Variants in RBIS observed in about 807,000 individuals in gnomAD.
RBIS encodes ribosome biogenesis factor identified in screen.
In RBIS, 9 loss-of-function variants were observed where a neutral mutation model predicts 9.8. That is an observed-to-expected ratio of 0.92 (90% CI 0.56 to 1.61). RBIS has a LOEUF of 1.61. RBIS is among the 40% of genes most tolerant of loss of function. The probability of loss-of-function intolerance (pLI) is 0.00; values close to 1 mark genes in which losing one functional copy is unlikely to be tolerated. For missense variants in RBIS, 103 were observed against 116.0 expected (o/e 0.89, Z 0.51); for synonymous variants, 35 against 37.9 (o/e 0.92, Z 0.28).
intron 3 of RBIS, 122 bp downstream of exon 3, chr8:85,214,798 GC>G: frequency 4.1e-6 from 3 of 729,232 alleles, no homozygotes; most frequent in Non-Finnish European, 7.2e-6. Context: ...ATACTATAGA[GC>G]CTAGTACTAG....
At position 85,214,528 on chromosome 8, in the gene RBIS, C is replaced by G. The variant is rs765290215; in HGVS notation, c.*32G>C. ...TGTATAAAACATTCAATTTATTGGT[C>G]TTTGTGGAGAATTAGATGCATCACC... On this transcript the variant is annotated 3_prime_UTR_variant, in exon 4 of 4. Coordinates refer to ENST00000619594, the MANE Select transcript of RBIS (RefSeq NM_001099673.3). 9 of 1,377,534 alleles carry G rather than the reference C, an allele frequency of 6.5e-6. No homozygotes were observed. In the South Asian group the frequency reaches 1.1e-4, roughly 17 times the overall value. 85.3% of individuals were successfully genotyped at this position (1,377,534 alleles called of 1,614,324 possible). A position where few individuals can be genotyped will look rare whatever the true frequency, so the allele number is the denominator to read the frequency against.
rs1813195747 is a variant in RBIS at position 85,217,402 on chromosome 8, G to A, written c.98C>T (p.Thr33Ile). 6.3e-7 allele frequency: 1 copy of A among 1,599,126 alleles called. No individual in the cohort carries two copies. The highest frequency in any genetic ancestry group is 8.6e-7 in the Non-Finnish European group (1 of 1,166,892). ...FKAKNKAKPV[T>I]TNLKKINIMN... The stretch of plus-strand genomic sequence containing the variant: ...AATACTCACCTTCTTAAGATTAGTG[G>A]TAACTGGTTTTGCTTTGTTTTTAGC... The change falls in exon 2 of 4, where the codon ACC becomes ATC. Residue 33 changes from threonine to isoleucine, a missense_variant. By Grantham distance (89) the Thr-to-Ile change is moderately conservative (BLOSUM62 -1). Coordinates refer to ENST00000619594, the MANE Select transcript of RBIS (RefSeq NM_001099673.3).
chr8:85,217,352 A>C, intron 2 of RBIS, 34 bp downstream of exon 2: 1 of 1,229,576 alleles, frequency 8.1e-7, no homozygotes, highest in East Asian at 2.3e-5. Flanking sequence ...TTTGCTTGTA[A>C]ACAATAAAGT....
intron 2 of RBIS, chr8:85,216,178 C>G (rs1247514651): frequency 6.6e-6 from 1 of 152,176 alleles, no homozygotes; most frequent in African/African-American, 2.4e-5. Context: ...ATACAAGAAA[C>G]CTGGATCAAA....
At chr8:85,217,346 C>G (rs2129822769) in intron 2 of RBIS, 40 bp downstream of exon 2, 1 of 1,157,594 alleles carries the variant, frequency 8.6e-7, no homozygotes, top group East Asian at 2.3e-5. Flanking sequence ...TGACACTTTG[C>G]TTGTAAACAA....
chr8:85,215,013 C>A lies in RBIS; in HGVS notation c.139G>T (p.Val47Phe). ...KKINIMNEEKVNRVNKAFVNV... is the reference protein window; with the variant it reads ...KKINIMNEEKFNRVNKAFVNV... ...ACAAAAGCTTTATTTACTCTGTTAA[C>A]TTTTTCCTCATTCATAATGTTTATC... Residue 47 changes from valine to phenylalanine, a missense_variant, in exon 3 of 4, where the codon GTT (valine) becomes TTT (phenylalanine). Transcript: ENST00000619594. The A allele has an allele frequency of 6.6e-7, 1 of 1,507,842 alleles. No individual in the cohort carries two copies. The highest frequency in any genetic ancestry group is 2.3e-5 in the East Asian group (1 of 43,936). 93.4% of individuals were successfully genotyped at this position (1,507,842 alleles called of 1,614,324 possible).
intron 1 of RBIS, among the ~76,000 whole-genome samples, 169 bp downstream of exon 1, chr8:85,220,137 C>G (rs1185343809): frequency 6.6e-6 from 1 of 152,144 alleles, no homozygotes; most frequent in Non-Finnish European, 1.5e-5. Context: ...GAGATGAAAG[C>G]CCAACAAGCA....
Position 85,214,595 on chromosome 8 carries a change from C to G in RBIS, c.268G>C (p.Val90Leu). The change falls in exon 4 of 4, where the codon GTT becomes CTT. Residue 90 changes from valine (V) to leucine (L), a missense_variant. Transcript: ENST00000619594. ...QQRHESKPVN[V>L]DEATRLMALL ...GCCATTAATCTTGTAGCTTCATCAA[C>G]ATTAACTGGTTTGCTTTCATGACGC... 6.4e-7 allele frequency: 1 copy of G among 1,574,392 alleles called. No individual in the cohort carries two copies. Among genetic ancestry groups the G allele is most frequent in the Non-Finnish European group, 8.7e-7 (1 of 1,145,410 alleles).
chr8:85,214,996 T>A lies in RBIS; in HGVS notation c.156A>T (p.Lys52Asn), dbSNP rs761859119. The change falls in exon 3 of 4, where the codon AAA becomes AAT. Residue 52 changes from lysine to asparagine, a missense_variant. Transcript: ENST00000619594. Reference protein sequence around the residue: ...MNEEKVNRVNKAFVNVQKELA... With the variant: ...MNEEKVNRVNNAFVNVQKELA... ...GTTCCTTTTGTACATTTACAAAAGC[T>A]TTATTTACTCTGTTAACTTTTTCCT... is the stretch of plus-strand genomic sequence containing the variant. The A allele has an allele frequency of 5.7e-6, 9 of 1,572,442 alleles. No individual in the cohort carries two copies. In the African/African-American group the frequency reaches 9.4e-5, roughly 16 times the overall value.
chr8:85,220,309 A>C lies in RBIS; in HGVS notation c.-7T>G, dbSNP rs1381234875. The C allele has an allele frequency of 1.3e-5, 2 of 152,232 alleles. No individual in the cohort carries two copies. The highest frequency in any genetic ancestry group is 2.9e-5 in the Non-Finnish European group (2 of 68,084). The allele number at this position is 152,232 out of a possible 1,614,324, so 9.4% of individuals were successfully genotyped here. A position where few individuals can be genotyped will look rare whatever the true frequency, so the allele number is the denominator to read the frequency against. ...ACTTAATTTATTAAACTCTCACCAG[A>C]AGTTTAACACTTGCGTGCAGCTTTT... On this transcript the variant is annotated 5_prime_UTR_variant, in exon 1 of 4. Coordinates refer to ENST00000619594, the MANE Select transcript of RBIS (RefSeq NM_001099673.3).
At chr8:85,214,759 C>A in intron 3 of RBIS, 128 bp from the exon 4 acceptor site, 1 of 784,868 alleles carries the variant, frequency 1.3e-6, no homozygotes, top group Admixed American at 2.4e-5. Context: ...TATATTCTGA[C>A]AATGTTTTAG....
Position 85,217,140 on chromosome 8 carries a change from T to C in RBIS, c.114+246A>G, listed in dbSNP as rs1282585937. On this transcript the variant is annotated intron_variant, in intron 2 of 3. Coordinates refer to ENST00000619594, the MANE Select transcript of RBIS (RefSeq NM_001099673.3). ...TGAGTTCTATGGTTCAGTAAAACTA[T>C]TAAATTGAAGCTTCACACATTTGTA... The C allele has an allele frequency of 3.6e-5, 22 of 605,452 alleles. No homozygotes were observed. In the East Asian group the frequency reaches 6.1e-4, roughly 17 times the overall value. The allele number at this position is 605,452 out of a possible 1,614,324, so 37.5% of individuals were successfully genotyped here. A position where few individuals can be genotyped will look rare whatever the true frequency, so the allele number is the denominator to read the frequency against.
At position 85,214,477 on chromosome 8, in the gene RBIS, A is replaced by G; in HGVS notation, c.*83T>C. 1.0e-6 allele frequency: 1 copy of G among 966,890 alleles called. No individual in the cohort carries two copies. Among genetic ancestry groups the G allele is most frequent in the South Asian group, 1.4e-5 (1 of 71,894 alleles). 59.9% of individuals were successfully genotyped at this position (966,890 alleles called of 1,614,324 possible). On this transcript the variant is annotated 3_prime_UTR_variant, in exon 4 of 4. Coordinates refer to ENST00000619594, the MANE Select transcript of RBIS (RefSeq NM_001099673.3). ...TTTTAAAATGTGCCAATGCCTGTAC[A>G]TTAACAAGATTTTTAAAAATAAAAT...
rs1048192141 is a variant in RBIS at position 85,214,073 on chromosome 8, C to T, written c.*487G>A. On this transcript the variant is annotated 3_prime_UTR_variant, in exon 4 of 4. Coordinates refer to ENST00000619594, the MANE Select transcript of RBIS (RefSeq NM_001099673.3). ...TTTAGGGGATAAGTGATTTAATATC[C>T]ACAAACGTCCCCACTCCCAAAAGTA... 2 of 590,826 alleles carry T rather than the reference C, an allele frequency of 3.4e-6. No individual in the cohort carries two copies. Among genetic ancestry groups the T allele is most frequent in the African/African-American group, 1.9e-5 (1 of 53,788 alleles). The allele number at this position is 590,826 out of a possible 1,614,324, so 36.6% of individuals were successfully genotyped here. A position where few individuals can be genotyped will look rare whatever the true frequency, so the allele number is the denominator to read the frequency against.
intron 2 of RBIS, chr8:85,217,002 A>G (rs1813177241): frequency 3.3e-6 from 1 of 306,842 alleles, no homozygotes; most frequent in African/African-American, 2.1e-5. Context: ...TACAAGAATT[A>G]CTGAGGAGAA....
In RBIS at chr8:85,217,491, C is replaced by G; in HGVS notation, c.9G>C (p.Lys3Asn). Residue 3 changes from lysine (K) to asparagine (N), a missense_variant, in exon 2 of 4, where the codon AAG becomes AAC. Transcript: ENST00000619594. ...TGGACTTCGGCCCTCTTAATTTGTT[C>G]TTGGCCATTGTCTAGAAAAGAAAAT... The part of the protein sequence containing the change: MA[K>N]NKLRGPKSRN... The G allele has an allele frequency of 1.2e-6, 2 of 1,605,518 alleles. No homozygotes were observed. Among genetic ancestry groups the G allele is most frequent in the Non-Finnish European group, 1.7e-6 (2 of 1,173,952 alleles).
chr8:85,219,296 T>C (rs551443384), intron 1 of RBIS: 3 of 152,352 alleles, frequency 2.0e-5, no homozygotes, highest in Non-Finnish European at 4.4e-5. Flanking sequence ...CCTTACTACA[T>C]TGTAAGTAAT....
At chr8:85,216,935 A>ACC (rs2129818745) in intron 2 of RBIS, 1 of 186,606 alleles carries the variant, frequency 5.4e-6, no homozygotes, top group African/African-American at 2.3e-5. Context: ...CATTTCAATA[A>ACC]ATATTTTTTA....
At chr8:85,216,055 G>T (rs28377260) in intron 2 of RBIS, 94,890 of 151,960 alleles carry the variant, frequency 0.62, 30,279 homozygotes, top group Non-Finnish European at 0.67. Flanking sequence ...TCTAGTATTG[G>T]AAGTGTTGAG....
Sources: allele counts gnomAD v4.1 joint callset (sites outside exome capture counted in the v4.1 genomes callset), GRCh38; gene constraint gnomAD v4.1.1; transcripts MANE v1.5; gene names NCBI Gene and HGNC (gene_info 2026-07-23, HGNC 2026-07-21).